The following FANCD2OS variants were observed in gnomAD, a reference collection of about 807,000 sequenced individuals.
FANCD2OS encodes FANCD2 opposite strand, also known as FANCD2 opposite strand protein.
FANCD2OS carries 11 observed loss-of-function variants against 13.2 expected under a neutral mutation model. That is an observed-to-expected ratio of 0.83 (90% CI 0.52 to 1.38). The LOEUF (loss-of-function observed/expected upper bound fraction) is 1.38. Ranked by LOEUF, FANCD2OS falls within the 40% of genes most tolerant of loss-of-function variation. The pLI, the probability that FANCD2OS is intolerant of heterozygous loss-of-function variation, is 0.00. For missense variants in FANCD2OS, 217 were observed against 213.9 expected, an observed-to-expected ratio of 1.01 and a Z score of -0.09; for synonymous variants, 69 against 84.5, an observed-to-expected ratio of 0.82 and a Z score of 1.01.
At chr3:10,089,667 A>G (rs1185259525) in intron 2 of FANCD2OS, among the ~76,000 whole-genome samples, 1 of 152,054 alleles carries the variant, frequency 6.6e-6, no homozygotes, top group African/African-American at 2.4e-5. Context: ...ATTGGGTTTC[A>G]CCATGTTGGC....
chr3:10,086,339 G>C (rs1694200103), intron 2 of FANCD2OS, among the ~76,000 whole-genome samples: 1 of 152,140 alleles, frequency 6.6e-6, no homozygotes, highest in Non-Finnish European at 1.5e-5. Context: ...AGTGGACAAG[G>C]GAGGTGACAT....
chr3:10,091,013 G>A (rs973675493), intron 2 of FANCD2OS, among the ~76,000 whole-genome samples: 5 of 151,952 alleles, frequency 3.3e-5, no homozygotes, highest in African/African-American at 1.2e-4. Context: ...TAACCAGAAC[G>A]GAGCTAGACA....
downstream of FANCD2OS, among the ~76,000 whole-genome samples, chr3:10,103,254 T>C (rs1035352045): frequency 6.6e-6 from 1 of 151,992 alleles, no homozygotes; most frequent in South Asian, 2.1e-4. Context: ...AACACAAAAT[T>C]AGCTGGGCGT....
intron 1 of FANCD2OS, among the ~76,000 whole-genome samples, chr3:10,105,762 AAAAAAAAAATT>A (rs1378282846): frequency 3.9e-4 from 29 of 75,044 alleles, no homozygotes; most frequent in African/African-American, 7.6e-4. Context: ...AAAAAAAAAA[AAAAAAAAAATT>A]ATATATATAT....
intron 2 of FANCD2OS, among the ~76,000 whole-genome samples, chr3:10,097,636 C>T (rs1221697965): frequency 6.6e-6 from 1 of 152,164 alleles, no homozygotes; most frequent in Non-Finnish European, 1.5e-5. Flanking sequence ...ATTGCTCAAA[C>T]ACACATGCTG....
At chr3:10,092,765 T>C (rs1694728854) in intron 2 of FANCD2OS, among the ~76,000 whole-genome samples, 1 of 139,348 alleles carries the variant, frequency 7.2e-6, no homozygotes, top group South Asian at 2.4e-4. Flanking sequence ...TGATCACAGC[T>C]CACTGCAGCC....
chr3:10,108,275 G>A (rs541441011), upstream of FANCD2OS: 1 of 152,418 alleles, frequency 6.6e-6, no homozygotes, highest in Admixed American at 6.5e-5. Context: ...ACGCTCCAAA[G>A]TGGCGGCCGC....
intron 2 of FANCD2OS, chr3:10,087,308 A>G (rs2125073419): frequency 6.8e-7 from 1 of 1,473,198 alleles, no homozygotes; most frequent in Non-Finnish European, 9.2e-7. Flanking sequence ...TTTAATGAAT[A>G]GGACTAATAT....
chr3:10,081,548 A>G, intron 2 of FANCD2OS: 5 of 975,778 alleles, frequency 5.1e-6, no homozygotes, highest in Non-Finnish European at 8.3e-6. Context: ...TGTAGAAAAG[A>G]AAGAAAAGGT....
chr3:10,103,169 G>GACGA (rs1233330771), downstream of FANCD2OS: 2 of 384,834 alleles, frequency 5.2e-6, no homozygotes, highest in Non-Finnish European at 1.0e-5. Context: ...TTGGGAGGCT[G>GACGA]AGGTGGGCAG....
At chr3:10,094,653 T>C (rs935963754) in intron 2 of FANCD2OS, among the ~76,000 whole-genome samples, 1 of 152,112 alleles carries the variant, frequency 6.6e-6, no homozygotes, top group Non-Finnish European at 1.5e-5. Flanking sequence ...TGTATCAGTG[T>C]GTCATTTGCT....
intron 2 of FANCD2OS, among the ~76,000 whole-genome samples, chr3:10,094,633 C>A (rs751384092): frequency 1.3e-5 from 2 of 152,042 alleles, no homozygotes; most frequent in Non-Finnish European, 2.9e-5. Context: ...ACTGCACTCT[C>A]AGGTCCTCAT....
At chr3:10,095,566 G>A (rs1575866587) in intron 2 of FANCD2OS, among the ~76,000 whole-genome samples, 1 of 152,284 alleles carries the variant, frequency 6.6e-6, no homozygotes, top group South Asian at 2.1e-4. Flanking sequence ...AAGTCCTCTA[G>A]GTAACAGGAC....
chr3:10,104,380 CTGCTAATGATTT>C lies in FANCD2OS; in HGVS notation c.383_394del (p.Lys128_Ser131del). ...CAGTCCAATGGGCCACTGGTGCTCC[CTGCTAATGATTT>C]TGCAAAAGGCTGACTTGTCTGAAAC... On this transcript the variant is annotated inframe_deletion, in exon 2 of 2. Transcript: ENST00000450660. 6.2e-7 allele frequency: 1 copy of C among 1,614,170 alleles called. No homozygotes were observed. Among genetic ancestry groups the C allele is most frequent in the Non-Finnish European group, 8.5e-7 (1 of 1,180,042 alleles).
chr3:10,093,508 T>G (rs183652685), intron 2 of FANCD2OS, among the ~76,000 whole-genome samples: 1 of 152,350 alleles, frequency 6.6e-6, no homozygotes, highest in African/African-American at 2.4e-5. Flanking sequence ...GAAGCCAGTT[T>G]TCCTATGAAT....
At chr3:10,087,458 T>C (rs1694287181) in intron 2 of FANCD2OS, among the ~76,000 whole-genome samples, 1 of 151,936 alleles carries the variant, frequency 6.6e-6, no homozygotes, top group African/African-American at 2.4e-5. Context: ...TTGCTTAGTC[T>C]GAGTTTGGTT....
downstream of FANCD2OS, chr3:10,101,592 G>T (rs530643220): frequency 2.7e-6 from 1 of 373,204 alleles, no homozygotes; most frequent in Non-Finnish European, 5.1e-6. Context: ...TACCATGTCG[G>T]CCAGATGGTC....
chr3:10,104,830 T>C, intron 1 of FANCD2OS, 48 bp from the exon 2 acceptor site: 3 of 1,491,482 alleles, frequency 2.0e-6, no homozygotes, highest in South Asian at 1.3e-5. Flanking sequence ...ATGCTTTTCA[T>C]GAGAGCATGG....
rs1222261031 is a variant in FANCD2OS at position 10,105,766 on chromosome 3, AAAAAATTATATATATATATATATATATAT to A, written c.-8-1013_-8-985del. On this transcript the variant is annotated intron_variant, in intron 1 of 1. Coordinates refer to ENST00000450660, the MANE Select transcript of FANCD2OS (RefSeq NM_001164839.2). ...ACTCCATCTAAAAAAAAAAAAAAAAAAAAAATTATATATATATATATATATATATATATATATATATATATATATATATA... is the reference window on the plus strand; with the variant it reads ...ACTCCATCTAAAAAAAAAAAAAAAAAATATATATATATATATATATATATA... Among the ~76,000 whole-genome samples the A allele has an allele frequency of 4.8e-4, 28 of 58,704 alleles. 2 individuals carry two copies. The highest frequency in any genetic ancestry group is 3.4e-3 in the African/African-American group (28 of 8,192). The allele number at this position is 58,704 out of a possible 152,430, so 38.5% of individuals were successfully genotyped here.
Sources: gnomAD v4.1 joint callset for allele counts (sites outside exome capture counted in the v4.1 genomes callset) on GRCh38, gnomAD v4.1.1 for gene constraint, MANE v1.5 for transcripts, NCBI Gene and HGNC (gene_info 2026-07-23, HGNC 2026-07-21) for gene names.